The following EGF variants were observed in gnomAD, a reference collection of about 807,000 sequenced individuals.
The protein encoded by EGF is pro-epidermal growth factor.
A neutral mutation model predicts 143.8 loss-of-function variants in EGF; 95 were observed. The observed-to-expected ratio is 0.66, with a 90% CI of 0.56 to 0.78. The LOEUF is 0.78. EGF is among the 30% of genes least tolerant of loss of function. EGF has a pLI of 0.00. For synonymous variants in EGF, 510 were observed against 510.5 expected (o/e 1.00, Z 0.01); for missense variants, 1,320 against 1,470.9 (o/e 0.90, Z 1.68).
rs577798915 is a variant in EGF, at chr4:110,004,672, C to T, written c.3291+50C>T. The T allele has an allele frequency of 6.3e-5, 95 of 1,497,450 alleles. No individual in the cohort carries two copies. In the South Asian group the frequency reaches 9.1e-4, roughly 14 times the overall value. 92.8% of individuals were successfully genotyped at this position (1,497,450 alleles called of 1,614,324 possible). On this transcript the variant is annotated intron_variant, in intron 22 of 23. Transcript: ENST00000265171. ...CAAGGAATTGGCTTGATATTAACCC[C>T]TATTCATTTTTTCTATTTTTTCACT...
At chr4:109,992,600 T>C (rs1560750427) in intron 18 of EGF, among the ~76,000 whole-genome samples, 1 of 152,166 alleles carries the variant, frequency 6.6e-6, no homozygotes, top group Non-Finnish European at 1.5e-5. Flanking sequence ...TTACTGGGTA[T>C]ATACCCAAAG....
intron 5 of EGF, among the ~76,000 whole-genome samples, chr4:109,949,075 CT>C (rs1295112546): frequency 4.0e-5 from 6 of 151,450 alleles, no homozygotes; most frequent in East Asian, 1.9e-4. Flanking sequence ...AACTCTAGTT[CT>C]TTTTTTTTGA....
Position 110,011,296 on chromosome 4 carries a change from C to A in EGF, c.3465C>A (p.Gly1155=). The A allele has an allele frequency of 3.1e-6, 5 of 1,614,140 alleles. No individual in the cohort carries two copies. The East Asian group carries it at 1.1e-4, about 36-fold the overall frequency. The change falls in exon 24 of 24, where the codon GGC becomes GGA. Residue 1155 remains glycine (G), a synonymous_variant. Transcript: ENST00000265171. ...GGATTCCAGTATCCAGTGATAAGGGCTCCTGTCCCCAGGTAATGGAGCGAA... is the reference window on the plus strand; with the variant it reads ...GGATTCCAGTATCCAGTGATAAGGGATCCTGTCCCCAGGTAATGGAGCGAA... The part of the protein sequence containing the change: ...GCWIPVSSDK[G]SCPQVMERSF...
rs934832944 is a variant in EGF at position 110,012,161 on chromosome 4, A to G, written c.*706A>G. 11 of 152,190 alleles carry G rather than the reference A, an allele frequency of 7.2e-5. No homozygotes were observed. The highest frequency in any genetic ancestry group is 2.0e-4 in the Admixed American group (3 of 15,280). 9.4% of individuals were successfully genotyped at this position (152,190 alleles called of 1,614,324 possible). ...CTTGGTGTGATTGCACAGAATTTGT[A>G]TGTATTTTCAGTTACAAGATTGTAA... On this transcript the variant is annotated 3_prime_UTR_variant, in exon 24 of 24. Coordinates refer to ENST00000265171, the MANE Select transcript of EGF (RefSeq NM_001963.6).
chr4:109,969,535 T>C (rs568542598), intron 11 of EGF, among the ~76,000 whole-genome samples: 1 of 152,138 alleles, frequency 6.6e-6, no homozygotes, highest in East Asian at 1.9e-4. Context: ...CAAACCACCA[T>C]GGCACATGTA....
intron 20 of EGF, 49 bp from the exon 21 acceptor site, chr4:109,999,630 C>G: frequency 6.2e-7 from 1 of 1,611,898 alleles, no homozygotes; most frequent in Non-Finnish European, 8.5e-7. Flanking sequence ...AAACTATCAG[C>G]GTTTTTGGCC....
chr4:109,939,449 A>C (rs1741518460), intron 1 of EGF, among the ~76,000 whole-genome samples: 1 of 152,176 alleles, frequency 6.6e-6, no homozygotes, highest in Non-Finnish European at 1.5e-5. Flanking sequence ...GGCACTCACA[A>C]CTTCCCTTGG....
Position 110,006,373 on chromosome 4 carries a change from G to A in EGF, c.3291+1751G>A, listed in dbSNP as rs145981914. On this transcript the variant is annotated intron_variant, in intron 22 of 23. Coordinates refer to ENST00000265171, the MANE Select transcript of EGF (RefSeq NM_001963.6). ...AGCATGAGAAAGAACATGAGTTCTA[G>A]CCTTACTCTCCCACCAGTTGGCTAT... is the stretch of plus-strand genomic sequence containing the variant. Among the ~76,000 whole-genome samples, 82 of 152,232 alleles carry A rather than the reference G, an allele frequency of 5.4e-4. No individual in the cohort carries two copies. The East Asian group carries it at 0.014, about 26-fold the overall frequency.
intron 13 of EGF, among the ~76,000 whole-genome samples, chr4:109,976,708 A>G (rs1281947087): frequency 1.3e-5 from 2 of 152,338 alleles, no homozygotes; most frequent in East Asian, 1.9e-4. Context: ...AGCTCATGCC[A>G]GCTGTTAAAA....
At chr4:109,921,877 G>C (rs76941704) in intron 1 of EGF, among the ~76,000 whole-genome samples, 2,756 of 151,618 alleles carry the variant, frequency 0.018, 187 homozygotes, top group African/African-American at 0.064. Context: ...GTATAAACAG[G>C]TCAAAAACAG....
chr4:109,986,748 G>GA (rs199713631), intron 16 of EGF, among the ~76,000 whole-genome samples: 21,412 of 140,944 alleles, frequency 0.15, 2,340 homozygotes, highest in African/African-American at 0.31. Flanking sequence ...TAAGTAAAGA[G>GA]AAAAAAAAAA....
At position 109,969,179 on chromosome 4, in the gene EGF, T is replaced by C; in HGVS notation, c.1724+60T>C. The C allele has an allele frequency of 1.9e-6, 3 of 1,605,504 alleles. No individual in the cohort carries two copies. In the South Asian group the frequency reaches 3.3e-5, roughly 18 times the overall value. On this transcript the variant is annotated intron_variant, in intron 11 of 23. Coordinates refer to ENST00000265171, the MANE Select transcript of EGF (RefSeq NM_001963.6). ...ATGGGAGTGATGGGATAGGTAATAC[T>C]ATTGGCTTCATCTTCCACTTTGAAC...
At chr4:109,976,846 T>C (rs541540936) in intron 13 of EGF, among the ~76,000 whole-genome samples, 4 of 152,298 alleles carry the variant, frequency 2.6e-5, no homozygotes, top group African/African-American at 9.6e-5. Flanking sequence ...CCTGCAAAAA[T>C]TGGCCTTTGT....
chr4:110,004,172 G>A, intron 21 of EGF: 1 of 378,662 alleles, frequency 2.6e-6, no homozygotes, highest in Non-Finnish European at 5.1e-6. Context: ...ACCTGTGAAT[G>A]AATGAATGCA....
chr4:109,987,629 C>A, intron 16 of EGF, 115 bp from the exon 17 acceptor site: 1 of 859,738 alleles, frequency 1.2e-6, no homozygotes, highest in Non-Finnish European at 2.0e-6. Context: ...GGAGGTTAAC[C>A]TGTCCCAGAA....
rs763336139 is a variant in EGF at position 109,976,033 on chromosome 4, A to G, written c.1851A>G (p.Thr617=). The change falls in exon 13 of 24, where the codon ACA becomes ACG. Residue 617 remains threonine, a synonymous_variant. Coordinates refer to ENST00000265171, the MANE Select transcript of EGF (RefSeq NM_001963.6). ...AAAGGAGATTATTCTGGACTGATAC[A>G]GGGATTAATCCACGAATTGAAAGTT... ...PMAKRLFWTD[T]GINPRIESSS... The G allele has an allele frequency of 3.5e-5, 57 of 1,613,802 alleles. No individual in the cohort carries two copies. Among genetic ancestry groups the G allele is most frequent in the Non-Finnish European group, 4.5e-5 (53 of 1,179,794 alleles).
intron 1 of EGF, among the ~76,000 whole-genome samples, chr4:109,932,456 G>A (rs1364400597): frequency 1.4e-5 from 2 of 145,420 alleles, no homozygotes; most frequent in Non-Finnish European, 3.0e-5. Flanking sequence ...TTGGCTCACT[G>A]CAAGCTCCAC....
intron 12 of EGF, 37 bp downstream of exon 12, chr4:109,974,844 G>C (rs781497237): frequency 3.5e-5 from 54 of 1,525,756 alleles, no homozygotes; most frequent in Middle Eastern, 3.4e-4. Context: ...GCTCTGCAGA[G>C]GTCATGTGAC....
intron 1 of EGF, among the ~76,000 whole-genome samples, chr4:109,915,164 C>G (rs909996760): frequency 6.6e-6 from 1 of 152,128 alleles, no homozygotes; most frequent in African/African-American, 2.4e-5. Context: ...AGGATAGAAA[C>G]AATAAGTTGG....
Sources: gnomAD v4.1 joint callset for allele counts (sites outside exome capture counted in the v4.1 genomes callset) on GRCh38, gnomAD v4.1.1 for gene constraint, MANE v1.5 for transcripts, NCBI Gene and HGNC (gene_info 2026-07-23, HGNC 2026-07-21) for gene names.